RFX3: variants seen among roughly 807,000 people sequenced by gnomAD.
The protein encoded by RFX3 is transcription factor RFX3.
In RFX3, 14 loss-of-function variants were observed where a neutral mutation model predicts 98.6. The observed-to-expected ratio is 0.14, with a 90% CI of 0.09 to 0.22. The LOEUF (loss-of-function observed/expected upper bound fraction) is 0.22, where lower values mean the gene tolerates loss of function less well. Ranked by LOEUF, RFX3 falls within the 10% of genes least tolerant of loss-of-function variation. RFX3 has a pLI of 1.00. For missense variants in RFX3, 639 were observed against 926.9 expected, an observed-to-expected ratio of 0.69 and a Z score of 4.03; for synonymous variants, 383 against 328.4, an observed-to-expected ratio of 1.17 and a Z score of -1.80.
rs966223436 is a variant in RFX3, at chr9:3,295,113, T to C, written c.550-1855A>G. Among the ~76,000 whole-genome samples the C allele has an allele frequency of 5.3e-5, 8 of 152,040 alleles. No individual in the cohort carries two copies. In the East Asian group the frequency reaches 1.3e-3, roughly 26 times the overall value. On this transcript the variant is annotated intron_variant, in intron 5 of 16. Transcript: ENST00000617270. Reference sequence around the variant, plus strand: ...AGAATAGGTTTGCTACACATATTCATTTAGTATAAAAGAGATAAGGCAGTC... The same window carrying C: ...AGAATAGGTTTGCTACACATATTCACTTAGTATAAAAGAGATAAGGCAGTC...
chr9:3,504,973 T>TTA (rs1816767103), intron 1 of RFX3, among the ~76,000 whole-genome samples: 1 of 78,820 alleles, frequency 1.3e-5, no homozygotes, highest in Non-Finnish European at 2.2e-5. Context: ...ATAATATATA[T>TTA]TATATAATAT....
In RFX3 at chr9:3,219,136, T is replaced by G. The variant is rs890473166; in HGVS notation, c.*5906A>C. On this transcript the variant is annotated 3_prime_UTR_variant, in exon 17 of 17. Transcript: ENST00000617270. ...GGTCCAAATTGATGATGGAAATGAG[T>G]AGAGAAAAAAATTTGCTTTGGTACA... The G allele has an allele frequency of 3.3e-5, 5 of 151,894 alleles. No homozygotes were observed. The highest frequency in any genetic ancestry group is 7.4e-5 in the Non-Finnish European group (5 of 67,966). The allele number at this position is 151,894 out of a possible 1,614,324, so 9.4% of individuals were successfully genotyped here. A position where few individuals can be genotyped will look rare whatever the true frequency, so the allele number is the denominator to read the frequency against.
intron 1 of RFX3, among the ~76,000 whole-genome samples, chr9:3,473,481 T>C (rs893099991): frequency 5.3e-5 from 8 of 152,164 alleles, no homozygotes; most frequent in Non-Finnish European, 1.2e-4. Context: ...TAAAGATAAA[T>C]GGATCCAAGA....
intron 11 of RFX3, 89 bp downstream of exon 11, chr9:3,270,282 T>A (rs1824257954): frequency 7.7e-7 from 1 of 1,298,118 alleles, no homozygotes; most frequent in East Asian, 2.4e-5. Flanking sequence ...GAAATTAGAA[T>A]CATTCTAGAT....
rs114236441 is a variant in RFX3 at position 3,438,760 on chromosome 9, T to G, written c.-8-43164A>C. ...TATACTGTATCAGAAAGAAAGTTGA[T>G]TTCAGAACAGAACTATTATTAGGAA... On this transcript the variant is annotated intron_variant, in intron 1 of 16. Transcript: ENST00000617270. Among the ~76,000 whole-genome samples, 584 of 152,122 alleles carry G rather than the reference T, an allele frequency of 3.8e-3. 1 individual carries two copies. The highest frequency in any genetic ancestry group is 0.013 in the African/African-American group (551 of 41,542).
chr9:3,442,016 A>G (rs898572788), intron 1 of RFX3, among the ~76,000 whole-genome samples: 2 of 152,140 alleles, frequency 1.3e-5, no homozygotes, highest in Non-Finnish European at 2.9e-5. Context: ...CCTGGTCAAC[A>G]TGGTGAAACC....
intron 2 of RFX3, among the ~76,000 whole-genome samples, chr9:3,386,457 G>C (rs1839726156): frequency 6.6e-6 from 1 of 151,980 alleles, no homozygotes; most frequent in Admixed American, 6.6e-5. Context: ...TTTTATAGAA[G>C]AGAAAACTGA....
intron 12 of RFX3, among the ~76,000 whole-genome samples, chr9:3,263,460 C>T (rs1823185235): frequency 6.6e-6 from 1 of 152,012 alleles, no homozygotes; most frequent in Non-Finnish European, 1.5e-5. Context: ...CAAGTAGAAA[C>T]TAGGCAAATT....
chr9:3,506,996 G>C (rs1186189807), intron 1 of RFX3, among the ~76,000 whole-genome samples: 1 of 151,846 alleles, frequency 6.6e-6, no homozygotes, highest in Non-Finnish European at 1.5e-5. Context: ...AATTTGATTA[G>C]AGATTCCAAA....
chr9:3,490,142 G>C (rs909925138), intron 1 of RFX3: 7 of 168,264 alleles, frequency 4.2e-5, no homozygotes, highest in Non-Finnish European at 7.2e-5. Flanking sequence ...CATCAAGAAA[G>C]GAAAAACATC....
intron 9 of RFX3, among the ~76,000 whole-genome samples, chr9:3,274,969 T>C (rs925223938): frequency 6.6e-6 from 1 of 152,222 alleles, no homozygotes; most frequent in African/African-American, 2.4e-5. Context: ...AAAATATGTA[T>C]ACATAATTTT....
At chr9:3,488,117 A>C (rs1850429340) in intron 1 of RFX3, among the ~76,000 whole-genome samples, 1 of 152,144 alleles carries the variant, frequency 6.6e-6, no homozygotes, top group Non-Finnish European at 1.5e-5. Flanking sequence ...CTTACTTCAC[A>C]TACTACAAAG....
rs1435207396 is a variant in RFX3 at position 3,256,746 on chromosome 9, G to A, written c.1814+245C>T. On this transcript the variant is annotated intron_variant, in intron 14 of 16. Coordinates refer to ENST00000617270, the MANE Select transcript of RFX3 (RefSeq NM_001282116.2). ...GGAATCTCAGACGTTCCCATCTGAG[G>A]ACATGTAGGGCTTTGAGCAAGAGAT... Among the ~76,000 whole-genome samples, 6 of 152,166 alleles carry A rather than the reference G, an allele frequency of 3.9e-5. No homozygotes were observed. In the East Asian group the frequency reaches 1.2e-3, roughly 29 times the overall value.
intron 14 of RFX3, among the ~76,000 whole-genome samples, chr9:3,254,717 T>G (rs1026483243): frequency 6.6e-6 from 1 of 152,146 alleles, no homozygotes; most frequent in South Asian, 2.1e-4. Context: ...TCTTAAAAAA[T>G]ATTCCCAAAT....
At chr9:3,383,781 G>A (rs990535193) in intron 2 of RFX3, among the ~76,000 whole-genome samples, 3 of 152,152 alleles carry the variant, frequency 2.0e-5, no homozygotes, top group Admixed American at 2.0e-4. Flanking sequence ...CAGGGACAGA[G>A]TGTTCTGCAT....
At chr9:3,439,732 A>G (rs766232952) in intron 1 of RFX3, among the ~76,000 whole-genome samples, 1 of 152,002 alleles carries the variant, frequency 6.6e-6, no homozygotes, top group Non-Finnish European at 1.5e-5. Flanking sequence ...CAATACTAAC[A>G]TGTTTCCCAT....
At chr9:3,337,601 C>G (rs1833339575) in intron 3 of RFX3, among the ~76,000 whole-genome samples, 1 of 152,094 alleles carries the variant, frequency 6.6e-6, no homozygotes, top group South Asian at 2.1e-4. Context: ...AGATCAGTAC[C>G]CAGGGGTAGC....
intron 1 of RFX3, among the ~76,000 whole-genome samples, chr9:3,488,480 C>G (rs1850458138): frequency 6.6e-6 from 1 of 152,160 alleles, no homozygotes; most frequent in Non-Finnish European, 1.5e-5. Context: ...GAACGTCCAA[C>G]TGGTTTGTTT....
intron 1 of RFX3, among the ~76,000 whole-genome samples, chr9:3,419,089 T>A (rs1395920517): frequency 6.6e-6 from 1 of 152,208 alleles, no homozygotes; most frequent in African/African-American, 2.4e-5. Context: ...TTGTTTTAAA[T>A]GGCTAAAGGG....
Sources: gnomAD v4.1 joint callset for allele counts (sites outside exome capture counted in the v4.1 genomes callset) on GRCh38, gnomAD v4.1.1 for gene constraint, MANE v1.5 for transcripts, NCBI Gene and HGNC (gene_info 2026-07-23, HGNC 2026-07-21) for gene names.